KSR2: variants seen among roughly 807,000 people sequenced by gnomAD.
KSR2 encodes kinase suppressor of ras 2.
A neutral mutation model predicts 107.8 loss-of-function variants in KSR2; 25 were observed. The observed-to-expected ratio is 0.23, with a 90% CI of 0.17 to 0.32. The LOEUF (loss-of-function observed/expected upper bound fraction) is 0.32, where lower values mean the gene tolerates loss of function less well. Ranked by LOEUF, KSR2 falls within the 10% of genes least tolerant of loss-of-function variation. The pLI is 1.00. For synonymous variants in KSR2, 480 were observed against 507.0 expected (o/e 0.95, Z 0.71); for missense variants, 887 against 1,268.9 (o/e 0.70, Z 4.57).
intron 3 of KSR2, among the ~76,000 whole-genome samples, chr12:117,777,201 C>T (rs1455690083): frequency 1.6e-5 from 2 of 128,992 alleles, no homozygotes; most frequent in Non-Finnish European, 3.2e-5. Context: ...ATAGTTGATT[C>T]ATTAACATTG....
chr12:117,678,768 T>C (rs1163389682), intron 4 of KSR2, among the ~76,000 whole-genome samples: 1 of 152,140 alleles, frequency 6.6e-6, no homozygotes, highest in Non-Finnish European at 1.5e-5. Flanking sequence ...GACAACATGA[T>C]GTGGGCAGCA....
chr12:117,850,790 C>A (rs1029486573), intron 3 of KSR2, among the ~76,000 whole-genome samples: 4 of 129,854 alleles, frequency 3.1e-5, no homozygotes, highest in Non-Finnish European at 4.8e-5. Flanking sequence ...GGCTGGGCAA[C>A]AAAGCAAGAC....
chr12:117,858,633 G>T (rs114819547), intron 2 of KSR2, among the ~76,000 whole-genome samples: 1,742 of 152,320 alleles, frequency 0.011, 34 homozygotes, highest in African/African-American at 0.04. Context: ...CACTGGCAGG[G>T]AGGCAAGCTC....
intron 1 of KSR2, among the ~76,000 whole-genome samples, chr12:117,951,905 C>G (rs116628051): frequency 5.2e-4 from 79 of 152,088 alleles, no homozygotes; most frequent in Admixed American, 1.8e-3. Flanking sequence ...TGAAATAAGG[C>G]AGACAGAGAA....
At chr12:117,966,619 G>A (rs2393331) in intron 1 of KSR2, among the ~76,000 whole-genome samples, 71,277 of 128,944 alleles carry the variant, frequency 0.55, 18,535 homozygotes, top group East Asian at 0.73. Context: ...TCTCACACGC[G>A]CACGCACACA....
chr12:117,515,127 C>CA (rs1874285104), intron 14 of KSR2, among the ~76,000 whole-genome samples: 1 of 152,188 alleles, frequency 6.6e-6, no homozygotes, highest in African/African-American at 2.4e-5. Context: ...CCATGACGGG[C>CA]AGACATCATG....
chr12:117,539,781 G>A lies in KSR2; in HGVS notation c.1625C>T (p.Pro542Leu), dbSNP rs1876340035. The part of the protein sequence containing the change: ...PAPPLPPSAT[P>L]PSPLHPSPQC... ...TGGGGAAGGGTGTAGGGGAGAAGGC[G>A]GCGTGGCACTAGGAGGGAGGGGGGG... The change falls in exon 10 of 20, where the codon CCG becomes CTG. Residue 542 changes from proline to leucine, a missense_variant. By Grantham distance (98) the Pro-to-Leu change is moderately conservative. This residue lies in a region of KSR2 where 50 missense variants were observed against 43.4 expected (regional missense o/e 1.15). Transcript: ENST00000339824. The A allele has an allele frequency of 1.2e-5, 20 of 1,607,428 alleles. No individual in the cohort carries two copies. The highest frequency in any genetic ancestry group is 4.5e-5 in the East Asian group (2 of 44,554).
intron 4 of KSR2, among the ~76,000 whole-genome samples, chr12:117,698,046 G>A (rs773841764): frequency 6.6e-5 from 10 of 152,084 alleles, no homozygotes; most frequent in Non-Finnish European, 1.3e-4. Context: ...GAAGAACACC[G>A]AAGACTGCCG....
intron 5 of KSR2, among the ~76,000 whole-genome samples, chr12:117,655,267 C>G (rs1422891423): frequency 6.6e-6 from 1 of 152,224 alleles, no homozygotes; most frequent in East Asian, 1.9e-4. Context: ...AGCATTGCCT[C>G]TGACCAAGGC....
intron 5 of KSR2, among the ~76,000 whole-genome samples, chr12:117,605,615 A>T (rs993101202): frequency 6.6e-6 from 1 of 152,040 alleles, no homozygotes; most frequent in Non-Finnish European, 1.5e-5. Context: ...CAGCAATCCC[A>T]TTACTTGGTA....
chr12:117,694,143 T>C (rs1039577031), intron 4 of KSR2, among the ~76,000 whole-genome samples: 1 of 152,106 alleles, frequency 6.6e-6, no homozygotes, highest in African/African-American at 2.4e-5. Flanking sequence ...CCACGGCAGT[T>C]CCTCTAAAAA....
chr12:117,525,367 C>T, intron 13 of KSR2, 148 bp from the exon 14 acceptor site: 1 of 905,624 alleles, frequency 1.1e-6, no homozygotes. Flanking sequence ...CCCTCTGTTT[C>T]CCCAGCTCTA....
chr12:117,690,061 A>C (rs1387052707), intron 4 of KSR2, among the ~76,000 whole-genome samples: 1 of 152,120 alleles, frequency 6.6e-6, no homozygotes, highest in Non-Finnish European at 1.5e-5. Flanking sequence ...GAAGGAGGGA[A>C]GAAGACAGAA....
intron 1 of KSR2, among the ~76,000 whole-genome samples, chr12:117,939,469 T>C (rs562835344): frequency 6.6e-6 from 1 of 152,030 alleles, no homozygotes; most frequent in Non-Finnish European, 1.5e-5. Flanking sequence ...TCCCAGCACT[T>C]TGGGAGGCCG....
chr12:117,878,603 C>T (rs943572575), intron 1 of KSR2, among the ~76,000 whole-genome samples: 8 of 152,126 alleles, frequency 5.3e-5, no homozygotes, highest in Non-Finnish European at 5.9e-5. Context: ...GAGAGCAGGA[C>T]GCCAAGTAGC....
At chr12:117,890,563 C>A (rs555195046) in intron 1 of KSR2, among the ~76,000 whole-genome samples, 1 of 152,318 alleles carries the variant, frequency 6.6e-6, no homozygotes, top group South Asian at 2.1e-4. Context: ...TGTGTTAAAG[C>A]CTTTTGCAGG....
intron 1 of KSR2, among the ~76,000 whole-genome samples, chr12:117,864,639 C>T (rs980406509): frequency 6.6e-6 from 1 of 152,180 alleles, no homozygotes; most frequent in African/African-American, 2.4e-5. Flanking sequence ...TCGGTGAGGC[C>T]ATGCTCCCCC....
At chr12:117,762,892 A>G (rs112034744) in intron 3 of KSR2, among the ~76,000 whole-genome samples, 5,738 of 151,334 alleles carry the variant, frequency 0.038, 154 homozygotes, top group Middle Eastern at 0.055. Context: ...CCTTTTTTTT[A>G]TTTTATTATT....
At chr12:117,699,832 A>C (rs756363021) in intron 4 of KSR2, among the ~76,000 whole-genome samples, 2 of 152,146 alleles carry the variant, frequency 1.3e-5, no homozygotes, top group Non-Finnish European at 2.9e-5. Context: ...AATGGCTATG[A>C]CGTCACTAGG....
Sources: gnomAD v4.1 joint callset for allele counts (sites outside exome capture counted in the v4.1 genomes callset) on GRCh38, gnomAD v4.1.1 for gene constraint, gnomAD v4.1.1 regional missense constraint, MANE v1.5 for transcripts, NCBI Gene and HGNC (gene_info 2026-07-23, HGNC 2026-07-21) for gene names.